SLC44A5: variants seen among roughly 807,000 people sequenced by gnomAD.
The protein encoded by SLC44A5 is choline transporter-like protein 5.
A neutral mutation model predicts 101.8 loss-of-function variants in SLC44A5; 57 were observed. The ratio of observed to expected loss-of-function variants is 0.56; its 90% CI spans 0.45 to 0.70. The LOEUF (loss-of-function observed/expected upper bound fraction) is 0.70. Ranked by LOEUF, SLC44A5 falls within the 30% of genes least tolerant of loss-of-function variation. SLC44A5 has a pLI of 0.00. For synonymous variants in SLC44A5, 281 were observed against 290.9 expected (o/e 0.97, Z 0.35); for missense variants, 737 against 853.1 (o/e 0.86, Z 1.70).
chr1:75,584,578 T>C (rs975714339), intron 1 of SLC44A5, among the ~76,000 whole-genome samples: 2 of 151,536 alleles, frequency 1.3e-5, no homozygotes, highest in Admixed American at 6.6e-5. Context: ...TTTGTGGGGG[T>C]TTTTTTGGGA....
At chr1:75,470,796 G>A (rs1464758480) in intron 2 of SLC44A5, among the ~76,000 whole-genome samples, 1 of 152,170 alleles carries the variant, frequency 6.6e-6, no homozygotes, top group Non-Finnish European at 1.5e-5. Context: ...TCCAGGTGGA[G>A]AGATGTGGGT....
At chr1:75,302,472 T>A (rs1162943104) in intron 4 of SLC44A5, among the ~76,000 whole-genome samples, 1 of 152,168 alleles carries the variant, frequency 6.6e-6, no homozygotes, top group Non-Finnish European at 1.5e-5. Context: ...GTTTGTATCA[T>A]TTCTAATAAT....
chr1:75,477,367 C>A (rs1023174511), intron 2 of SLC44A5, among the ~76,000 whole-genome samples: 3 of 152,218 alleles, frequency 2.0e-5, no homozygotes, highest in African/African-American at 7.2e-5. Flanking sequence ...TCCAAAGGAA[C>A]GCAGTTCCTC....
chr1:75,389,107 C>T (rs1041525751), intron 3 of SLC44A5, among the ~76,000 whole-genome samples: 5 of 152,008 alleles, frequency 3.3e-5, no homozygotes, highest in East Asian at 1.9e-4. Context: ...AATGATAAAG[C>T]GTTCATTTAA....
In SLC44A5 at chr1:75,496,506, C is replaced by T. The variant is rs369161325; in HGVS notation, c.13+44929G>A. Among the ~76,000 whole-genome samples the T allele has an allele frequency of 1.7e-3, 254 of 151,672 alleles. 17 individuals carry two copies. The South Asian group carries it at 0.052, about 31-fold the overall frequency. On this transcript the variant is annotated intron_variant, in intron 2 of 23. Coordinates refer to ENST00000370859, the MANE Select transcript of SLC44A5 (RefSeq NM_001130058.2). ...AAACCTGAGACTTGAAACTGTAAAA[C>T]TTCTAAGAGAAAACATAGGGAACAA...
the SLC44A5 span, among the ~76,000 whole-genome samples, chr1:75,678,968 G>A: frequency 6.6e-6 from 1 of 152,174 alleles, no homozygotes; most frequent in Admixed American, 6.5e-5. Flanking sequence ...GAAGAATGCA[G>A]AAGCCTCAGG....
chr1:75,275,138 C>T (rs1208623575), intron 5 of SLC44A5, 96 bp from the exon 6 acceptor site: 8 of 771,430 alleles, frequency 1.0e-5, no homozygotes, highest in Admixed American at 2.3e-5. Context: ...AACACACTAA[C>T]CTCTCCCCTC....
the SLC44A5 span, among the ~76,000 whole-genome samples, chr1:75,683,453 G>C: frequency 6.6e-6 from 1 of 151,836 alleles, no homozygotes; most frequent in African/African-American, 2.4e-5. Context: ...CATGTCCTTT[G>C]TAGGGACATG....
intron 2 of SLC44A5, among the ~76,000 whole-genome samples, chr1:75,443,856 G>T (rs1317266794): frequency 1.3e-5 from 2 of 151,536 alleles, no homozygotes. Context: ...TAAGAAAAAC[G>T]TGGTAAGAAA....
chr1:75,614,305 G>T (rs1675775804), upstream of SLC44A5, among the ~76,000 whole-genome samples: 1 of 152,104 alleles, frequency 6.6e-6, no homozygotes, highest in Non-Finnish European at 1.5e-5. Context: ...TGGAGGGGGG[G>T]AATCAGAGGT....
In SLC44A5 at chr1:75,211,471, A is replaced by G. The variant is rs781153811; in HGVS notation, c.2044T>C (p.Phe682Leu). The G allele has an allele frequency of 6.2e-7, 1 of 1,611,122 alleles. No homozygotes were observed. Among genetic ancestry groups the G allele is most frequent in the Admixed American group, 1.7e-5 (1 of 59,894 alleles). The change falls in exon 23 of 24, where the codon TTC (phenylalanine) becomes CTC (leucine). Residue 682 changes from phenylalanine (F) to leucine (L), a missense_variant. Coordinates refer to ENST00000370859, the MANE Select transcript of SLC44A5 (RefSeq NM_001130058.2). ...AACACACATACTGAATACTCACAGA[A>G]GCAGATGAAAATTGTTTCAACACAC... ...AMCVETIFICFLEDLERNDGS... is the reference protein window; with the variant it reads ...AMCVETIFICLLEDLERNDGS...
chr1:75,324,264 A>G lies in SLC44A5; in HGVS notation c.101+15318T>C, dbSNP rs115518271. Among the ~76,000 whole-genome samples the G allele has an allele frequency of 3.7e-3, 556 of 152,326 alleles. 3 individuals are homozygous for G. The highest frequency in any genetic ancestry group is 0.013 in the African/African-American group (541 of 41,582). Reference sequence around the variant, plus strand: ...TGAGGCAGTTTAGAGATGAGCTTAAATGATCTTCAAAGCAAAGTGAAGAAA... The same window carrying G: ...TGAGGCAGTTTAGAGATGAGCTTAAGTGATCTTCAAAGCAAAGTGAAGAAA... On this transcript the variant is annotated intron_variant, in intron 4 of 23. Coordinates refer to ENST00000370859, the MANE Select transcript of SLC44A5 (RefSeq NM_001130058.2).
chr1:75,584,473 G>A (rs1673880788), intron 1 of SLC44A5, among the ~76,000 whole-genome samples: 1 of 152,168 alleles, frequency 6.6e-6, no homozygotes, highest in Admixed American at 6.5e-5. Flanking sequence ...AGAAAAGCTA[G>A]AGTCCTCATA....
intron 1 of SLC44A5, among the ~76,000 whole-genome samples, chr1:75,569,124 A>G (rs1274365592): frequency 1.3e-5 from 2 of 151,994 alleles, no homozygotes; most frequent in East Asian, 1.9e-4. Flanking sequence ...TTTATCTTCA[A>G]ATTGACTTCC....
intron 2 of SLC44A5, among the ~76,000 whole-genome samples, chr1:75,419,282 A>G (rs1315453049): frequency 6.6e-6 from 1 of 152,150 alleles, no homozygotes; most frequent in Non-Finnish European, 1.5e-5. Flanking sequence ...GGCAGGATAA[A>G]CATGAAGTCA....
intron 5 of SLC44A5, among the ~76,000 whole-genome samples, chr1:75,297,663 A>G (rs559746759): frequency 8.5e-4 from 130 of 152,372 alleles, no homozygotes; most frequent in African/African-American, 3.1e-3. Flanking sequence ...TATAGGAAAG[A>G]ATAATTTGCA....
At chr1:75,678,765 T>G in the SLC44A5 span, among the ~76,000 whole-genome samples, 1 of 152,048 alleles carries the variant, frequency 6.6e-6, no homozygotes, top group South Asian at 2.1e-4. Flanking sequence ...GCACGGAGAA[T>G]GACTTTGACG....
chr1:75,588,570 G>T (rs750928301), intron 1 of SLC44A5, among the ~76,000 whole-genome samples: 96 of 152,092 alleles, frequency 6.3e-4, no homozygotes, highest in Non-Finnish European at 1.1e-3. Context: ...AAAATGTGGG[G>T]TTTTTTCTCC....
rs535581888 is a variant in SLC44A5 at position 75,342,322 on chromosome 1, G to A, written c.53-2692C>T. 3.3e-5 allele frequency among the ~76,000 whole-genome samples: 5 copies of A among 152,290 alleles called. No homozygotes were observed. In the South Asian group the frequency reaches 1.0e-3, roughly 32 times the overall value. On this transcript the variant is annotated intron_variant, in intron 3 of 23. Coordinates refer to ENST00000370859, the MANE Select transcript of SLC44A5 (RefSeq NM_001130058.2). ...CACAATTCCACATAGAACGCAATGTGAATTGTACTTCTCTGAGCACTGCAA... is the reference window on the plus strand; with the variant it reads ...CACAATTCCACATAGAACGCAATGTAAATTGTACTTCTCTGAGCACTGCAA...
Sources: gnomAD v4.1 joint callset for allele counts (sites outside exome capture counted in the v4.1 genomes callset) on GRCh38, gnomAD v4.1.1 for gene constraint, MANE v1.5 for transcripts, NCBI Gene and HGNC (gene_info 2026-07-23, HGNC 2026-07-21) for gene names.